ATG13: variants seen among roughly 807,000 people sequenced by gnomAD.
ATG13 encodes autophagy related 13, also known as autophagy-related protein 13.
A neutral mutation model predicts 65.5 loss-of-function variants in ATG13; 23 were observed. The ratio of observed to expected loss-of-function variants is 0.35; its 90% CI spans 0.25 to 0.50. The LOEUF (loss-of-function observed/expected upper bound fraction) is 0.50, where lower values mean the gene tolerates loss of function less well. Ranked by LOEUF, ATG13 falls within the 20% of genes least tolerant of loss-of-function variation. The pLI is 0.98. For synonymous variants in ATG13, 252 were observed against 245.2 expected (o/e 1.03, Z -0.26); for missense variants, 566 against 677.0 (o/e 0.84, Z 1.82).
intron 7 of ATG13, among the ~76,000 whole-genome samples, chr11:46,652,892 G>C (rs1454059645): frequency 6.6e-6 from 1 of 151,966 alleles, no homozygotes; most frequent in Non-Finnish European, 1.5e-5. Context: ...TTTATGGCAG[G>C]AGTCACTAAA....
At chr11:46,651,703 T>C (rs1300527964) in intron 7 of ATG13, among the ~76,000 whole-genome samples, 1 of 152,176 alleles carries the variant, frequency 6.6e-6, no homozygotes, top group Non-Finnish European at 1.5e-5. Context: ...CTGAGAATAG[T>C]TGTCATTTCC....
intron 1 of ATG13, among the ~76,000 whole-genome samples, chr11:46,629,318 T>G (rs1426401510): frequency 6.6e-6 from 1 of 152,324 alleles, no homozygotes. Context: ...GTCACACTCA[T>G]AGTGTGTATT....
At chr11:46,633,496 C>T (rs998128610) in intron 2 of ATG13, among the ~76,000 whole-genome samples, 4 of 151,434 alleles carry the variant, frequency 2.6e-5, no homozygotes, top group African/African-American at 9.7e-5. Context: ...TACAGGCGCC[C>T]GCCACCACGC....
Position 46,649,194 on chromosome 11 carries a change from C to T in ATG13, c.317+11C>T, listed in dbSNP as rs202223911. ...TGAAATGAATGAAAAGTAAGTGCTG[C>T]GTCTTAGGGTCCTTGGTTGTGGTTG... On this transcript the variant is annotated intron_variant, in intron 6 of 18. Transcript: ENST00000683050. The T allele has an allele frequency of 1.6e-5, 25 of 1,610,942 alleles. No homozygotes were observed. Among genetic ancestry groups the T allele is most frequent in the African/African-American group, 4.0e-5 (3 of 74,930 alleles).
intron 13 of ATG13, 105 bp from the exon 14 acceptor site, chr11:46,665,278 T>C (rs2062044505): frequency 3.6e-6 from 5 of 1,405,088 alleles, no homozygotes; most frequent in East Asian, 2.3e-5. Flanking sequence ...GGTGGCAGCG[T>C]TGGTGATGGA....
At position 46,649,154 on chromosome 11, in the gene ATG13, G is replaced by A. The variant is rs199850974; in HGVS notation, c.288G>A (p.Leu96=). 81 of 1,613,052 alleles carry A rather than the reference G, an allele frequency of 5.0e-5. No individual in the cohort carries two copies. The Admixed American group carries it at 7.0e-4, about 14-fold the overall frequency. The change falls in exon 6 of 19, where the codon CTG becomes CTA. Residue 96 remains leucine (L), a synonymous_variant. Coordinates refer to ENST00000683050, the MANE Select transcript of ATG13 (RefSeq NM_001346311.2). ...TTCTACAGGGAGATTCCATGGAGCT[G>A]GAAATATGGTGTCTTGAAATGAATG... ...LKTSEGDSME[L]EIWCLEMNEK...
intron 18 of ATG13, among the ~76,000 whole-genome samples, chr11:46,671,762 C>G (rs976616227): frequency 1.3e-5 from 2 of 152,160 alleles, no homozygotes; most frequent in African/African-American, 4.8e-5. Flanking sequence ...TTTAAAAATA[C>G]AGATTCCTAG....
chr11:46,635,099 C>T (rs1036812415), intron 2 of ATG13, among the ~76,000 whole-genome samples: 2 of 151,640 alleles, frequency 1.3e-5, no homozygotes, highest in African/African-American at 4.9e-5. Flanking sequence ...CCTCTGCCTC[C>T]CAAGTTCAAG....
At chr11:46,622,119 A>G (rs1402958121) in intron 1 of ATG13, among the ~76,000 whole-genome samples, 3 of 97,848 alleles carry the variant, frequency 3.1e-5, no homozygotes, top group African/African-American at 1.5e-4. Flanking sequence ...ATATATATAT[A>G]TATATATATT....
chr11:46,654,418 G>A (rs2059607171), intron 7 of ATG13, among the ~76,000 whole-genome samples: 2 of 146,152 alleles, frequency 1.4e-5, no homozygotes, highest in South Asian at 4.4e-4. Context: ...AGACTGAAGT[G>A]GGAGAATAAT....
intron 8 of ATG13, among the ~76,000 whole-genome samples, chr11:46,656,682 A>G (rs1480011250): frequency 1.3e-5 from 2 of 152,182 alleles, no homozygotes; most frequent in African/African-American, 2.4e-5. Context: ...GTGGAAGGCA[A>G]TTACTTCTTA....
chr11:46,624,148 G>T (rs1008265320), intron 1 of ATG13, among the ~76,000 whole-genome samples: 3 of 151,826 alleles, frequency 2.0e-5, no homozygotes, highest in Non-Finnish European at 4.4e-5. Context: ...GGGACTACAG[G>T]CATGCGTCAC....
chr11:46,639,338 G>C (rs2055093571), intron 2 of ATG13, among the ~76,000 whole-genome samples: 1 of 152,110 alleles, frequency 6.6e-6, no homozygotes, highest in Non-Finnish European at 1.5e-5. Flanking sequence ...TCTGTATCTT[G>C]GCTATTGTGA....
At chr11:46,663,940 C>CGTTTG in intron 11 of ATG13, 57 bp from the exon 12 acceptor site, 1 of 1,158,656 alleles carries the variant, frequency 8.6e-7, no homozygotes. Flanking sequence ...TCTCAAGTCC[C>CGTTTG]TTTTCTTTTT....
chr11:46,640,714 A>G (rs2055681402), intron 2 of ATG13, among the ~76,000 whole-genome samples: 1 of 152,228 alleles, frequency 6.6e-6, no homozygotes, highest in African/African-American at 2.4e-5. Context: ...AAGCACATGA[A>G]AAGGTGCTAA....
At chr11:46,655,513 G>A (rs1265164303) in intron 7 of ATG13, among the ~76,000 whole-genome samples, 3 of 152,194 alleles carry the variant, frequency 2.0e-5, no homozygotes, top group African/African-American at 7.2e-5. Flanking sequence ...GCTGGAGGTT[G>A]CAGTGAGCCG....
In ATG13 at chr11:46,622,079, A is replaced by ATATATG. The variant is rs1328646139; in HGVS notation, c.-70+4194_-70+4195insGTATAT. Among the ~76,000 whole-genome samples the ATATATG allele has an allele frequency of 1.5e-3, 4 of 2,586 alleles. No individual in the cohort carries two copies. The East Asian group carries it at 0.026, about 17-fold the overall frequency. 1.7% of individuals were successfully genotyped at this position (2,586 alleles called of 152,430 possible). A position where few individuals can be genotyped will look rare whatever the true frequency, so the allele number is the denominator to read the frequency against. On this transcript the variant is annotated intron_variant, in intron 1 of 18. Transcript: ENST00000683050. ...ACTTCAGAGATTTATTTATTTACAT[A>ATATATG]TATATATATATATATATATATATAT...
At chr11:46,656,948 C>CAT (rs1387144070) in intron 8 of ATG13, 147 bp from the exon 9 acceptor site, 11 of 671,860 alleles carry the variant, frequency 1.6e-5, no homozygotes, top group African/African-American at 3.6e-5. Flanking sequence ...CACACACACA[C>CAT]ATATGAAATT....
chr11:46,670,817 C>CAAAT (rs749170858), intron 18 of ATG13, among the ~76,000 whole-genome samples: 5 of 151,990 alleles, frequency 3.3e-5, no homozygotes, highest in African/African-American at 4.8e-5. Context: ...GTCTCAAAAA[C>CAAAT]AAATAAATAA....
Sources: gnomAD v4.1 joint callset for allele counts (sites outside exome capture counted in the v4.1 genomes callset) on GRCh38, gnomAD v4.1.1 for gene constraint, MANE v1.5 for transcripts, NCBI Gene and HGNC (gene_info 2026-07-23, HGNC 2026-07-21) for gene names.